The following BABAM2 variants were observed in gnomAD, a reference collection of about 807,000 sequenced individuals.
BABAM2 encodes the protein BRISC and BRCA1-A complex member 2.
BABAM2 carries 31 observed loss-of-function variants against 54.7 expected under a neutral mutation model. The observed-to-expected ratio is 0.57, with a 90% CI of 0.43 to 0.77. The LOEUF is 0.77. BABAM2 is among the 30% of genes least tolerant of loss of function. BABAM2 has a pLI of 0.00. For synonymous variants in BABAM2, 167 were observed against 162.9 expected (o/e 1.03, Z -0.19); for missense variants, 364 against 455.8 (o/e 0.80, Z 1.83).
intron 10 of BABAM2, among the ~76,000 whole-genome samples, chr2:28,296,174 C>A (rs1687679478): frequency 6.6e-6 from 1 of 152,122 alleles, no homozygotes; most frequent in African/African-American, 2.4e-5. Context: ...AGAAAAGATA[C>A]AAAGTTAATT....
chr2:28,063,354 G>A (rs932675365), intron 6 of BABAM2, among the ~76,000 whole-genome samples: 1 of 152,114 alleles, frequency 6.6e-6, no homozygotes, highest in Admixed American at 6.5e-5. Flanking sequence ...AAATGAAGTA[G>A]GTGAAATAAT....
chr2:27,996,620 T>C (rs1289884950), intron 4 of BABAM2, among the ~76,000 whole-genome samples: 2 of 152,212 alleles, frequency 1.3e-5, no homozygotes, highest in Admixed American at 6.5e-5. Flanking sequence ...CATCAAAGTC[T>C]TGAGAGGAGC....
chr2:28,169,740 T>C (rs970689180), intron 7 of BABAM2, among the ~76,000 whole-genome samples: 11 of 145,008 alleles, frequency 7.6e-5, no homozygotes, highest in Admixed American at 7.1e-4. Context: ...TGTACCAATG[T>C]ACACCAGCTT....
intron 6 of BABAM2, among the ~76,000 whole-genome samples, chr2:28,064,410 G>T (rs1246959359): frequency 1.3e-5 from 2 of 152,300 alleles, no homozygotes; most frequent in East Asian, 3.9e-4. Flanking sequence ...CCTTGTTAAG[G>T]CTGTGTAAGA....
chr2:27,953,012 C>T (rs1669845984), intron 3 of BABAM2, among the ~76,000 whole-genome samples: 1 of 152,038 alleles, frequency 6.6e-6, no homozygotes, highest in African/African-American at 2.4e-5. Flanking sequence ...TGGCTCTACC[C>T]TTCACACTTC....
At chr2:28,196,863 T>TTTTTTTTTTTG (rs1558426904) in intron 7 of BABAM2, among the ~76,000 whole-genome samples, 2 of 135,278 alleles carry the variant, frequency 1.5e-5, no homozygotes, top group Non-Finnish European at 3.1e-5. Flanking sequence ...TTTTTTTTTT[T>TTTTTTTTTTTG]GAGGAGGGTC....
At chr2:28,058,416 G>A (rs1436220459) in intron 6 of BABAM2, among the ~76,000 whole-genome samples, 2 of 152,046 alleles carry the variant, frequency 1.3e-5, no homozygotes, top group African/African-American at 4.8e-5. Context: ...ATAAAATGAT[G>A]GAGAGGAGGA....
At chr2:27,950,382 G>A (rs1456783662) in intron 3 of BABAM2, among the ~76,000 whole-genome samples, 2 of 152,126 alleles carry the variant, frequency 1.3e-5, no homozygotes, top group Admixed American at 1.3e-4. Context: ...GATTTTGGCA[G>A]ATACTTATCT....
chr2:28,193,079 C>T (rs1558423324), intron 7 of BABAM2, among the ~76,000 whole-genome samples: 1 of 151,836 alleles, frequency 6.6e-6, no homozygotes, highest in Non-Finnish European at 1.5e-5. Context: ...GAGGCTGGGG[C>T]AGGAGGCTTG....
At chr2:28,235,397 G>C (rs191619896) in intron 7 of BABAM2, among the ~76,000 whole-genome samples, 3 of 151,878 alleles carry the variant, frequency 2.0e-5, no homozygotes, top group Non-Finnish European at 4.4e-5. Flanking sequence ...GAATGGTCTC[G>C]ATCTCTTGAC....
intron 11 of BABAM2, among the ~76,000 whole-genome samples, chr2:28,301,720 C>T (rs1231649789): frequency 6.6e-6 from 1 of 152,200 alleles, no homozygotes; most frequent in Non-Finnish European, 1.5e-5. Context: ...GCAGCTCTCT[C>T]CCCTCCCAGT....
chr2:28,059,260 GACAAAATAATGTC>G (rs915954549), intron 6 of BABAM2, among the ~76,000 whole-genome samples: 2 of 151,504 alleles, frequency 1.3e-5, no homozygotes, highest in African/African-American at 4.8e-5. Context: ...CTAGTTTAAT[GACAAAATAATGTC>G]ACAAAGGGAT....
At chr2:28,049,517 C>T (rs1428575010) in intron 6 of BABAM2, among the ~76,000 whole-genome samples, 2 of 152,204 alleles carry the variant, frequency 1.3e-5, no homozygotes, top group South Asian at 2.1e-4. Flanking sequence ...TAATATCACA[C>T]ACTGAGCCCA....
At chr2:28,311,793 C>T (rs1027567838) in intron 11 of BABAM2, among the ~76,000 whole-genome samples, 12 of 152,124 alleles carry the variant, frequency 7.9e-5, no homozygotes, top group African/African-American at 2.4e-4. Context: ...GAGAAACTTC[C>T]ATCTCTGTTG....
intron 10 of BABAM2, among the ~76,000 whole-genome samples, chr2:28,275,371 G>A (rs910026452): frequency 2.6e-5 from 4 of 152,202 alleles, no homozygotes; most frequent in Admixed American, 6.5e-5. Context: ...TGATATTTCA[G>A]TATTGCTGCC....
At chr2:28,245,395 A>T (rs1682826556) in intron 10 of BABAM2, among the ~76,000 whole-genome samples, 1 of 152,224 alleles carries the variant, frequency 6.6e-6, no homozygotes, top group Admixed American at 6.5e-5. Flanking sequence ...AAAATGTAAT[A>T]CATAACTTAA....
intron 7 of BABAM2, among the ~76,000 whole-genome samples, chr2:28,212,024 G>T (rs894443415): frequency 6.6e-6 from 1 of 151,820 alleles, no homozygotes; most frequent in Non-Finnish European, 1.5e-5. Context: ...TCACCCTCTT[G>T]CTGTTTTTCT....
At chr2:28,256,295 A>G (rs1683969291) in intron 10 of BABAM2, among the ~76,000 whole-genome samples, 1 of 152,194 alleles carries the variant, frequency 6.6e-6, no homozygotes, top group South Asian at 2.1e-4. Context: ...CAACACTTAC[A>G]ATTTGATATA....
intron 10 of BABAM2, among the ~76,000 whole-genome samples, chr2:28,258,102 A>G (rs1002268413): frequency 4.6e-5 from 7 of 152,046 alleles, no homozygotes; most frequent in African/African-American, 1.7e-4. Context: ...GCTTGAACCC[A>G]GGAGGTGGAG....
Sources: gnomAD v4.1 joint callset for allele counts (sites outside exome capture counted in the v4.1 genomes callset) on GRCh38, gnomAD v4.1.1 for gene constraint, MANE v1.5 for transcripts, NCBI Gene and HGNC (gene_info 2026-07-23, HGNC 2026-07-21) for gene names.